The following NOM1 variants were observed in gnomAD, a reference collection of about 807,000 sequenced individuals.
NOM1 encodes nucleolar MIF4G domain-containing protein 1.
Under a neutral mutation model 73.3 loss-of-function variants are expected in NOM1, and 58 were observed. The ratio of observed to expected loss-of-function variants is 0.79; its 90% CI spans 0.64 to 0.99. NOM1 has a LOEUF of 0.99. Ranked by LOEUF, NOM1 falls within the 50% of genes least tolerant of loss-of-function variation. The pLI, the probability that NOM1 is intolerant of heterozygous loss-of-function variation, is 0.00. For missense variants in NOM1, 1,226 were observed against 1,131.9 expected (o/e 1.08, Z -1.19); for synonymous variants, 487 against 446.8 (o/e 1.09, Z -1.14).
Position 156,963,899 on chromosome 7 carries a change from T to C in NOM1, c.1912-6T>C, listed in dbSNP as rs1459925683. 22 of 1,612,888 alleles carry C rather than the reference T, an allele frequency of 1.4e-5. No homozygotes were observed. Among genetic ancestry groups the C allele is most frequent in the Non-Finnish European group, 1.9e-5 (22 of 1,179,368 alleles). ...CGTATGACTTGTCCATTCATCGTGCTTCCAGGTCAGTTCAAAGATCCTAGA... is the reference window on the plus strand; with the variant it reads ...CGTATGACTTGTCCATTCATCGTGCCTCCAGGTCAGTTCAAAGATCCTAGA... On this transcript the variant is annotated splice_polypyrimidine_tract_variant and splice_region_variant and intron_variant, in intron 6 of 10. Transcript: ENST00000275820.
chr7:156,961,884 G>T (rs550366673), intron 4 of NOM1, among the ~76,000 whole-genome samples: 4 of 152,104 alleles, frequency 2.6e-5, no homozygotes, highest in African/African-American at 9.6e-5. Context: ...AGGGTGAGGC[G>T]TGTGGCGAGC....
At chr7:156,966,514 C>G in intron 8 of NOM1, 112 bp downstream of exon 8, 2 of 1,267,932 alleles carry the variant, frequency 1.6e-6, no homozygotes, top group Non-Finnish European at 1.1e-6. Context: ...CCCCTGATAT[C>G]CCCGTCACCT....
Position 156,957,774 on chromosome 7 carries a change from C to CAAA in NOM1, c.1309-2053_1309-2051dup, listed in dbSNP as rs10549596. ...TGGGCGACAGAGCGAGACTCCGTCT[C>CAAA]AAAAAAAAAAAAAAAAAAAAAAAAA... On this transcript the variant is annotated intron_variant, in intron 3 of 10. Coordinates refer to ENST00000275820, the MANE Select transcript of NOM1 (RefSeq NM_138400.2). Among the ~76,000 whole-genome samples the CAAA allele has an allele frequency of 4.2e-4, 48 of 115,554 alleles. 4 individuals are homozygous for CAAA. The highest frequency in any genetic ancestry group is 4.0e-3 in the Middle Eastern group (1 of 248). 75.8% of individuals were successfully genotyped at this position (115,554 alleles called of 152,430 possible).
intron 2 of NOM1, 101 bp from the exon 3 acceptor site, chr7:156,954,002 G>A: frequency 1.1e-6 from 1 of 919,020 alleles, no homozygotes; most frequent in Non-Finnish European, 1.7e-6. Context: ...CATAAAAATA[G>A]AATATATTGT....
At chr7:156,963,861 G>T in intron 6 of NOM1, 44 bp from the exon 7 acceptor site, 1 of 1,589,642 alleles carries the variant, frequency 6.3e-7, no homozygotes, top group Non-Finnish European at 8.6e-7. Flanking sequence ...GAGGCAGTTT[G>T]CATGGAGACA....
In NOM1 at chr7:156,949,803, GA is replaced by G; in HGVS notation, c.68del (p.Lys23SerfsTer20). 1 of 1,429,472 alleles carries G rather than the reference GA, an allele frequency of 7.0e-7. No homozygotes were observed. The highest frequency in any genetic ancestry group is 9.1e-7 in the Non-Finnish European group (1 of 1,096,080). The allele number at this position is 1,429,472 out of a possible 1,614,324, so 88.5% of individuals were successfully genotyped here. The stretch of plus-strand genomic sequence containing the variant: ...GCTCCCAGGGACGCGTGGTCCGCAT[GA>G]AGCGCAGAGGCGGGCGCGGGCCGCG... The part of the protein sequence containing the change: ...GGSQGRVVRM[K>X]RRGGRGPRRG... On this transcript the variant is annotated frameshift_variant, in exon 1 of 11. Transcript: ENST00000275820. LOFTEE classifies it high-confidence loss of function.
At position 156,962,248 on chromosome 7, in the gene NOM1, T is replaced by C. The variant is rs771300224; in HGVS notation, c.1730T>C (p.Leu577Pro). The C allele has an allele frequency of 1.9e-6, 3 of 1,613,728 alleles. No individual in the cohort carries two copies. The highest frequency in any genetic ancestry group is 1.1e-5 in the South Asian group (1 of 91,080). Reference sequence around the variant, plus strand: ...GAGCCCGTGGAGAAGCTGAGGAAACTGCAGAGAGCTTTGGTGAGTCAAGGA... The same window carrying C: ...GAGCCCGTGGAGAAGCTGAGGAAACCGCAGAGAGCTTTGGTGAGTCAAGGA... The part of the protein sequence containing the change: ...DPEPVEKLRK[L>P]QRALVRNAGS... The change falls in exon 5 of 11, where the codon CTG (leucine) becomes CCG (proline). Residue 577 changes from leucine to proline, a missense_variant. By Grantham distance (98) the Leu-to-Pro change is moderately conservative. Coordinates refer to ENST00000275820, the MANE Select transcript of NOM1 (RefSeq NM_138400.2).
In NOM1 at chr7:156,969,778, C is replaced by G. The variant is rs1364788984; in HGVS notation, c.*75C>G. On this transcript the variant is annotated 3_prime_UTR_variant, in exon 11 of 11. Transcript: ENST00000275820. Reference sequence around the variant, plus strand: ...GTAAACCCAAAGGCTTATTCTGTTGCCTGCGTGTGAATGTTTGGTAGAGCT... The same window carrying G: ...GTAAACCCAAAGGCTTATTCTGTTGGCTGCGTGTGAATGTTTGGTAGAGCT... The G allele has an allele frequency of 2.9e-6, 4 of 1,394,980 alleles. No homozygotes were observed. The highest frequency in any genetic ancestry group is 3.8e-6 in the Non-Finnish European group (4 of 1,039,344). 86.4% of individuals were successfully genotyped at this position (1,394,980 alleles called of 1,614,324 possible). A position where few individuals can be genotyped will look rare whatever the true frequency, so the allele number is the denominator to read the frequency against.
chr7:156,955,387 A>G lies in NOM1; in HGVS notation c.1308+1089A>G, dbSNP rs78674753. On this transcript the variant is annotated intron_variant, in intron 3 of 10. Coordinates refer to ENST00000275820, the MANE Select transcript of NOM1 (RefSeq NM_138400.2). The stretch of plus-strand genomic sequence containing the variant: ...AAAGGAGATTGTTGTGAGGTTGGTG[A>G]ACGAATGGAGGGTTGGGTCAGTGAG... Among the ~76,000 whole-genome samples, 606 of 152,316 alleles carry G rather than the reference A, an allele frequency of 4.0e-3. 3 individuals are homozygous for G. The highest frequency in any genetic ancestry group is 0.024 in the Middle Eastern group (7 of 294).
In NOM1 at chr7:156,954,161, C is replaced by T. The variant is rs746176509; in HGVS notation, c.1171C>T (p.His391Tyr). The change falls in exon 3 of 11, where the codon CAC (histidine) becomes TAC (tyrosine). Residue 391 changes from histidine to tyrosine, a missense_variant. His to Tyr is a moderately conservative substitution (Grantham distance 83). Coordinates refer to ENST00000275820, the MANE Select transcript of NOM1 (RefSeq NM_138400.2). ...SGQLEELYMA[H>Y]SRKDMNDTLT... The stretch of plus-strand genomic sequence containing the variant: ...GCAGCTGGAGGAACTGTACATGGCC[C>T]ACAGCAGAAAGGACATGAATGACAC... The T allele has an allele frequency of 1.2e-6, 2 of 1,613,640 alleles. No homozygotes were observed. Among genetic ancestry groups the T allele is most frequent in the Non-Finnish European group, 1.7e-6 (2 of 1,179,860 alleles).
At chr7:156,965,109 G>A (rs768174956) in intron 7 of NOM1, among the ~76,000 whole-genome samples, 10 of 152,208 alleles carry the variant, frequency 6.6e-5, no homozygotes, top group East Asian at 1.9e-4. Context: ...CGCCTTCGCC[G>A]CCTGCGCTGC....
chr7:156,972,682 T>G lies in NOM1; in HGVS notation c.*2979T>G, dbSNP rs1390499458. 1 of 152,184 alleles carries G rather than the reference T, an allele frequency of 6.6e-6. No individual in the cohort carries two copies. The highest frequency in any genetic ancestry group is 2.4e-5 in the African/African-American group (1 of 41,424). 9.4% of individuals were successfully genotyped at this position (152,184 alleles called of 1,614,324 possible). ...CCGTCTCTATGAAAAATATAAAAAT[T>G]AGCTGGGCATGGTGGCAGGCACCTG... is the stretch of plus-strand genomic sequence containing the variant. On this transcript the variant is annotated 3_prime_UTR_variant, in exon 11 of 11. Transcript: ENST00000275820.
At chr7:156,956,930 GACTT>G (rs987007034) in intron 3 of NOM1, among the ~76,000 whole-genome samples, 8 of 152,136 alleles carry the variant, frequency 5.3e-5, no homozygotes, top group African/African-American at 1.9e-4. Context: ...TGCTTCAGCT[GACTT>G]AATCATCAGA....
intron 6 of NOM1, 58 bp from the exon 7 acceptor site, chr7:156,963,847 T>G (rs1804929275): frequency 1.2e-5 from 19 of 1,575,706 alleles, no homozygotes; most frequent in Non-Finnish European, 1.6e-5. Flanking sequence ...TTGGCACCTC[T>G]CGGGAGGCAG....
intron 7 of NOM1, among the ~76,000 whole-genome samples, chr7:156,964,442 G>A (rs1804946327): frequency 6.6e-6 from 1 of 151,864 alleles, no homozygotes; most frequent in African/African-American, 2.4e-5. Flanking sequence ...AAACATCCTG[G>A]TATAGTTTGT....
chr7:156,959,803 G>C (rs369206597), intron 3 of NOM1, 48 bp from the exon 4 acceptor site: 56 of 1,552,132 alleles, frequency 3.6e-5, no homozygotes, highest in Non-Finnish European at 4.8e-5. Flanking sequence ...AAGGAGAAAG[G>C]AAGGTTTCTA....
chr7:156,961,098 GGA>G (rs950879425), intron 4 of NOM1, among the ~76,000 whole-genome samples: 3 of 152,166 alleles, frequency 2.0e-5, no homozygotes, highest in African/African-American at 7.2e-5. Flanking sequence ...GGGGGTCCTG[GGA>G]GCCATGGAAA....
rs116778582 is a variant in NOM1 at position 156,950,452 on chromosome 7, G to A, written c.715G>A (p.Glu239Lys). 8.1e-6 allele frequency: 13 copies of A among 1,614,062 alleles called. No homozygotes were observed. Among genetic ancestry groups the A allele is most frequent in the Non-Finnish European group, 9.3e-6 (11 of 1,179,902 alleles). Residue 239 changes from glutamate to lysine, a missense_variant, in exon 1 of 11, where the codon GAG becomes AAG. By Grantham distance (56) the Glu-to-Lys change is moderately conservative (BLOSUM62 1). Coordinates refer to ENST00000275820, the MANE Select transcript of NOM1 (RefSeq NM_138400.2). ...CTTGTACGACAGCAGTGGTGAGGAGGAGGAAGATGCCGGACAGACACTCCC... is the reference window on the plus strand; with the variant it reads ...CTTGTACGACAGCAGTGGTGAGGAGAAGGAAGATGCCGGACAGACACTCCC... ...SGLYDSSGEE[E>K]EDAGQTLPES... is the part of the protein sequence containing the mutation.
Position 156,971,093 on chromosome 7 carries a change from T to A in NOM1, c.*1390T>A, listed in dbSNP as rs1421495495. On this transcript the variant is annotated 3_prime_UTR_variant, in exon 11 of 11. Transcript: ENST00000275820. ...CTGATTCTGGGAGGAAGCAGAAATG[T>A]CCCTAGATAACAGCATGTATTGCAG... is the stretch of plus-strand genomic sequence containing the variant. 1 of 152,196 alleles carries A rather than the reference T, an allele frequency of 6.6e-6. No individual in the cohort carries two copies. The highest frequency in any genetic ancestry group is 1.5e-5 in the Non-Finnish European group (1 of 68,020). The allele number at this position is 152,196 out of a possible 1,614,324, so 9.4% of individuals were successfully genotyped here. A position where few individuals can be genotyped will look rare whatever the true frequency, so the allele number is the denominator to read the frequency against.
Sources: gnomAD v4.1 joint callset for allele counts (sites outside exome capture counted in the v4.1 genomes callset) on GRCh38, gnomAD v4.1.1 for gene constraint, MANE v1.5 for transcripts, NCBI Gene and HGNC (gene_info 2026-07-23, HGNC 2026-07-21) for gene names.